WT1: variants seen among roughly 807,000 people sequenced by gnomAD.
WT1 encodes WT1 transcription factor, also known as Wilms tumor protein.
A neutral mutation model predicts 60.8 loss-of-function variants in WT1; 8 were observed. The observed-to-expected ratio is 0.13, with a 90% CI of 0.08 to 0.24. The LOEUF is 0.24. Ranked by LOEUF, WT1 falls within the 10% of genes least tolerant of loss-of-function variation. WT1 has a pLI of 1.00. For synonymous variants in WT1, 312 were observed against 297.1 expected (o/e 1.05, Z -0.52); for missense variants, 568 against 711.8 (o/e 0.80, Z 2.30).
chr11:32,416,237 G>A (rs987603997), intron 5 of WT1, among the ~76,000 whole-genome samples: 1 of 152,062 alleles, frequency 6.6e-6, no homozygotes, highest in Non-Finnish European at 1.5e-5. Context: ...TATTCACAAA[G>A]AAATGAACAG....
Position 32,388,997 on chromosome 11 carries a change from C to T in WT1, c.*61G>A. ...TAGTGAGGAGGAGTGGAGAGTCAGA[C>T]TTGAAAGCAGTTCACACACTGTGCT... is the stretch of plus-strand genomic sequence containing the variant. On this transcript the variant is annotated 3_prime_UTR_variant, in exon 10 of 10. Transcript: ENST00000452863. 1 of 1,612,948 alleles carries T rather than the reference C, an allele frequency of 6.2e-7. No homozygotes were observed. Among genetic ancestry groups the T allele is most frequent in the Non-Finnish European group, 8.5e-7 (1 of 1,179,572 alleles).
chr11:32,430,853 T>G, intron 1 of WT1: 1 of 1,233,664 alleles, frequency 8.1e-7, no homozygotes. Context: ...ATTAGAAGCT[T>G]ATCGGACACG....
chr11:32,420,791 T>C (rs961873785), intron 3 of WT1, among the ~76,000 whole-genome samples: 1 of 152,316 alleles, frequency 6.6e-6, no homozygotes, highest in South Asian at 2.1e-4. Flanking sequence ...TGCTGCAAGA[T>C]GCCCCATGTG....
intron 6 of WT1, among the ~76,000 whole-genome samples, chr11:32,399,450 A>G (rs1038627465): frequency 3.3e-5 from 5 of 152,354 alleles, no homozygotes; most frequent in Admixed American, 1.3e-4. Context: ...CTAATAGGGT[A>G]AAGTCCATTT....
chr11:32,405,533 TA>T (rs1237164108), intron 5 of WT1, among the ~76,000 whole-genome samples: 5 of 149,180 alleles, frequency 3.4e-5, no homozygotes, highest in African/African-American at 1.2e-4. Flanking sequence ...GTTGAATATA[TA>T]AATATATACA....
At chr11:32,402,524 A>C (rs1852187508) in intron 5 of WT1, among the ~76,000 whole-genome samples, 1 of 152,218 alleles carries the variant, frequency 6.6e-6, no homozygotes, top group African/African-American at 2.4e-5. Context: ...AGTCATCTGC[A>C]TGGAGCCACA....
chr11:32,410,277 G>GA (rs1852454185), intron 5 of WT1, among the ~76,000 whole-genome samples: 1 of 152,050 alleles, frequency 6.6e-6, no homozygotes. Context: ...CAAACATACA[G>GA]ATACTTCTAT....
rs1382081402 is a variant in WT1 at position 32,418,089 on chromosome 11, CA to C, written c.888-436del. ...TTGTTTTAATCAAAAGGATAAGTAT[CA>C]TGTGGATTATGAGGGTCTGAAAAGT... On this transcript the variant is annotated intron_variant, in intron 3 of 9. Transcript: ENST00000452863. 2.0e-5 allele frequency among the ~76,000 whole-genome samples: 3 copies of C among 151,764 alleles called. No individual in the cohort carries two copies. In the East Asian group the frequency reaches 5.8e-4, roughly 29 times the overall value.
At chr11:32,408,597 G>C (rs894360366) in intron 5 of WT1, among the ~76,000 whole-genome samples, 13 of 148,166 alleles carry the variant, frequency 8.8e-5, no homozygotes, top group African/African-American at 3.0e-4. Flanking sequence ...GAAAGAATGA[G>C]AGAGAGAGAG....
intron 1 of WT1, among the ~76,000 whole-genome samples, chr11:32,430,281 C>A (rs1853235855): frequency 6.6e-6 from 1 of 152,132 alleles, no homozygotes; most frequent in Admixed American, 6.5e-5. Flanking sequence ...CTTCCACAGA[C>A]TTCCTTTTGA....
intron 7 of WT1, among the ~76,000 whole-genome samples, chr11:32,395,901 G>A (rs5030279): frequency 0.056 from 8,574 of 151,908 alleles, 458 homozygotes; most frequent in African/African-American, 0.14. Flanking sequence ...CTTGCCCATC[G>A]ACCTCCTAAA....
intron 1 of WT1, chr11:32,430,451 G>GAGAGAGAGAGAGAGAGAGAGAGA: frequency 1.1e-6 from 1 of 917,136 alleles, no homozygotes; most frequent in African/African-American, 3.6e-5. Flanking sequence ...AGAGAGAGAG[G>GAGAGAGAGAGAGAGAGAGAGAGA]GAGGGAGAGA....
chr11:32,421,885 A>G (rs1447949464), intron 3 of WT1, among the ~76,000 whole-genome samples: 1 of 152,246 alleles, frequency 6.6e-6, no homozygotes, highest in African/African-American at 2.4e-5. Context: ...GATCAGGGTC[A>G]CCTCTGCCAC....
intron 6 of WT1, among the ~76,000 whole-genome samples, chr11:32,399,192 G>C (rs186590514): frequency 1.3e-5 from 2 of 151,216 alleles, no homozygotes; most frequent in East Asian, 3.9e-4. Flanking sequence ...AAAAAAGACC[G>C]GTGATTATTG....
Position 32,435,521 on chromosome 11 carries a change from C to A in WT1, c.-161G>T, listed in dbSNP as rs1434350619. ...CCCCGGGTGTGGGCGCTGCCTTGAA[C>A]TCCTTACCCCAGCTGCCTGGCTGCC... On this transcript the variant is annotated 5_prime_UTR_variant, in exon 1 of 10. Coordinates refer to ENST00000452863, the MANE Select transcript of WT1 (RefSeq NM_024426.6). 17 of 1,140,692 alleles carry A rather than the reference C, an allele frequency of 1.5e-5. No individual in the cohort carries two copies. The highest frequency in any genetic ancestry group is 2.1e-5 in the Non-Finnish European group (17 of 823,644). 70.7% of individuals were successfully genotyped at this position (1,140,692 alleles called of 1,614,324 possible).
chr11:32,402,572 A>C (rs901547672), intron 5 of WT1, among the ~76,000 whole-genome samples: 8 of 152,234 alleles, frequency 5.3e-5, no homozygotes, highest in Admixed American at 5.2e-4. Flanking sequence ...TCTTTTTTAG[A>C]GCTTGCTCTA....
intron 9 of WT1, among the ~76,000 whole-genome samples, chr11:32,391,498 A>G (rs1404722732): frequency 3.9e-5 from 6 of 152,222 alleles, no homozygotes; most frequent in Non-Finnish European, 1.5e-5. Flanking sequence ...CCACACACTG[A>G]TACTGGTCCA....
At position 32,391,930 on chromosome 11, in the gene WT1, A is replaced by T. The variant is rs192734605; in HGVS notation, c.1447+42T>A. ...TCACAATTTCATTCCACAATAGTTT[A>T]AAAAAATAATGAAAAATAAATGTGA... On this transcript the variant is annotated intron_variant, in intron 9 of 9. Transcript: ENST00000452863. 70 of 1,578,048 alleles carry T rather than the reference A, an allele frequency of 4.4e-5. 1 individual carries two copies. In the East Asian group the frequency reaches 1.5e-3, roughly 34 times the overall value.
chr11:32,430,855 T>G, intron 1 of WT1: 1 of 1,235,070 alleles, frequency 8.1e-7, no homozygotes, highest in African/African-American at 1.5e-5. Flanking sequence ...TAGAAGCTTA[T>G]CGGACACGGG....
Sources: gnomAD v4.1 joint callset for allele counts (sites outside exome capture counted in the v4.1 genomes callset) on GRCh38, gnomAD v4.1.1 for gene constraint, MANE v1.5 for transcripts, NCBI Gene and HGNC (gene_info 2026-07-23, HGNC 2026-07-21) for gene names.